EXOC4: variants seen among roughly 807,000 people sequenced by gnomAD.
EXOC4 encodes the protein exocyst complex component 4.
In EXOC4, 71 loss-of-function variants were observed where a neutral mutation model predicts 107.2. The observed-to-expected ratio is 0.66, with a 90% CI of 0.55 to 0.81. The LOEUF (loss-of-function observed/expected upper bound fraction) is 0.81. Among genes scored for constraint, EXOC4 ranks in the 30% least tolerant of loss-of-function variants. The probability of loss-of-function intolerance (pLI) is 0.00; values close to 1 mark genes in which losing one functional copy is unlikely to be tolerated. For missense variants in EXOC4, 1,108 were observed against 1,189.6 expected, an observed-to-expected ratio of 0.93 and a Z score of 1.01; for synonymous variants, 456 against 441.2, an observed-to-expected ratio of 1.03 and a Z score of -0.42.
chr7:133,671,460 A>T lies in EXOC4; in HGVS notation c.1514+41319A>T, dbSNP rs557962273. 4.6e-5 allele frequency among the ~76,000 whole-genome samples: 7 copies of T among 152,216 alleles called. No individual in the cohort carries two copies. In the East Asian group the frequency reaches 1.4e-3, roughly 29 times the overall value. ...TGGGTGCCTGTAATCCCAGTTACTC[A>T]GGAGACTGAGGCAGGAGAATCACTT... On this transcript the variant is annotated intron_variant, in intron 10 of 17. Transcript: ENST00000253861.
At chr7:133,556,698 G>T (rs1423309477) in intron 9 of EXOC4, among the ~76,000 whole-genome samples, 2 of 152,196 alleles carry the variant, frequency 1.3e-5, no homozygotes, top group Non-Finnish European at 2.9e-5. Context: ...GAATTATGGG[G>T]CTGGACATGA....
intron 12 of EXOC4, among the ~76,000 whole-genome samples, chr7:133,900,587 AG>A (rs1799429161): frequency 6.6e-6 from 1 of 152,122 alleles, no homozygotes; most frequent in South Asian, 2.1e-4. Context: ...CCTGTGCTTT[AG>A]GGAAATTTTT....
intron 5 of EXOC4, among the ~76,000 whole-genome samples, chr7:133,339,994 C>G (rs1196911570): frequency 6.6e-6 from 1 of 151,978 alleles, no homozygotes; most frequent in African/African-American, 2.4e-5. Context: ...ATTTGGATGC[C>G]CTTTATTTCT....
At chr7:133,450,088 T>C (rs930291141) in intron 7 of EXOC4, among the ~76,000 whole-genome samples, 1 of 152,168 alleles carries the variant, frequency 6.6e-6, no homozygotes, top group Non-Finnish European at 1.5e-5. Context: ...AAGATTTCTT[T>C]TACTGTTGCA....
At chr7:133,466,624 C>T (rs1043204663) in intron 7 of EXOC4, among the ~76,000 whole-genome samples, 1 of 152,058 alleles carries the variant, frequency 6.6e-6, no homozygotes, top group African/African-American at 2.4e-5. Context: ...GAAATAATAC[C>T]AGTCCTTTGC....
intron 13 of EXOC4, among the ~76,000 whole-genome samples, chr7:133,928,922 CTTTTTTT>C (rs71162044): frequency 1.2e-5 from 1 of 82,016 alleles, no homozygotes; most frequent in Non-Finnish European, 2.2e-5. Flanking sequence ...ACAGTAGTAC[CTTTTTTT>C]TTTTTTTTTT....
intron 7 of EXOC4, among the ~76,000 whole-genome samples, chr7:133,379,730 G>C (rs1238080410): frequency 6.6e-6 from 1 of 151,646 alleles, no homozygotes; most frequent in Non-Finnish European, 1.5e-5. Context: ...ATCCTATTTA[G>C]AATACTACCA....
chr7:133,388,921 C>T (rs1434045684), intron 7 of EXOC4, among the ~76,000 whole-genome samples: 2 of 152,146 alleles, frequency 1.3e-5, no homozygotes, highest in African/African-American at 4.8e-5. Context: ...CACAGTGTGG[C>T]TGGCTTTGGC....
chr7:133,431,742 GT>G (rs1287220926), intron 7 of EXOC4, among the ~76,000 whole-genome samples: 2 of 152,188 alleles, frequency 1.3e-5, no homozygotes, highest in African/African-American at 4.8e-5. Flanking sequence ...TGAGGGATAG[GT>G]TTATAGACCG....
chr7:133,260,331 T>A (rs2150504803), intron 1 of EXOC4, among the ~76,000 whole-genome samples: 1 of 152,024 alleles, frequency 6.6e-6, no homozygotes, highest in Admixed American at 6.6e-5. Context: ...TGGAGTGCAA[T>A]GGCACCATCT....
intron 3 of EXOC4, among the ~76,000 whole-genome samples, chr7:133,293,723 C>T (rs1794458388): frequency 6.6e-6 from 1 of 152,174 alleles, no homozygotes; most frequent in Non-Finnish European, 1.5e-5. Flanking sequence ...ATTAAATTGT[C>T]ATGACAGGGA....
intron 9 of EXOC4, among the ~76,000 whole-genome samples, chr7:133,509,650 C>G (rs913442308): frequency 2.6e-5 from 4 of 152,138 alleles, no homozygotes; most frequent in Non-Finnish European, 5.9e-5. Context: ...TGACCACAGA[C>G]GAACATTTCC....
chr7:133,500,232 CA>C (rs1799552262), intron 9 of EXOC4, among the ~76,000 whole-genome samples: 1 of 152,090 alleles, frequency 6.6e-6, no homozygotes, highest in East Asian at 1.9e-4. Context: ...AAAATAATGT[CA>C]CTATTAAGAT....
chr7:133,468,625 C>G (rs1006014690), intron 7 of EXOC4, among the ~76,000 whole-genome samples: 1 of 152,056 alleles, frequency 6.6e-6, no homozygotes, highest in African/African-American at 2.4e-5. Context: ...TTGAGACATC[C>G]TCCATTGGGT....
chr7:134,054,361 A>G (rs1795872958), intron 17 of EXOC4, among the ~76,000 whole-genome samples: 1 of 152,126 alleles, frequency 6.6e-6, no homozygotes, highest in South Asian at 2.1e-4. Context: ...CAACTATTGA[A>G]TGAATATAGG....
intron 9 of EXOC4, among the ~76,000 whole-genome samples, chr7:133,564,599 C>T (rs1800871531): frequency 6.6e-6 from 1 of 152,100 alleles, no homozygotes; most frequent in Non-Finnish European, 1.5e-5. Flanking sequence ...GTTTACCAAA[C>T]CAACTACACC....
intron 14 of EXOC4, among the ~76,000 whole-genome samples, chr7:133,976,551 C>T (rs1563077801): frequency 8.1e-6 from 1 of 122,768 alleles, no homozygotes; most frequent in Non-Finnish European, 1.7e-5. Context: ...GATAGTGAAC[C>T]AATATGATAG....
At chr7:133,604,710 C>CTTTTTTTTTTTTTTTTT (rs61548710) in intron 9 of EXOC4, among the ~76,000 whole-genome samples, 17 of 50,268 alleles carry the variant, frequency 3.4e-4, no homozygotes, top group Admixed American at 1.0e-3. Flanking sequence ...TTCCTTCTTT[C>CTTTTTTTTTTTTTTTTT]TTTTTTTTTT....
chr7:133,615,932 G>A (rs1802183429), intron 9 of EXOC4, among the ~76,000 whole-genome samples: 1 of 152,180 alleles, frequency 6.6e-6, no homozygotes, highest in Non-Finnish European at 1.5e-5. Flanking sequence ...TATGTGATGT[G>A]TTTAGAAACT....
Sources: allele counts gnomAD v4.1 joint callset (sites outside exome capture counted in the v4.1 genomes callset), GRCh38; gene constraint gnomAD v4.1.1; transcripts MANE v1.5; gene names NCBI Gene and HGNC (gene_info 2026-07-23, HGNC 2026-07-21).